Variants in BRWD1 observed in about 807,000 individuals in gnomAD.
BRWD1 encodes the protein bromodomain and WD repeat domain containing 1.
Under a neutral mutation model 251.2 loss-of-function variants are expected in BRWD1, and 82 were observed. The observed-to-expected ratio is 0.33, with a 90% CI of 0.27 to 0.39. BRWD1 has a LOEUF of 0.39. BRWD1 is among the 10% of genes least tolerant of loss of function. The pLI is 1.00. For missense variants in BRWD1, 2,233 were observed against 2,711.6 expected (o/e 0.82, Z 3.92); for synonymous variants, 918 against 902.8 (o/e 1.02, Z -0.30).
Position 39,313,438 on chromosome 21 carries a change from C to T in BRWD1, c.49+5G>A. ...GGGCGGGGGTGGCACGGCCTCGCGT[C>T]TTACCCGACTCGATGAGAGGCACCG... On this transcript the variant is annotated splice_donor_5th_base_variant and intron_variant, in intron 1 of 40. Coordinates refer to ENST00000342449, the MANE Select transcript of BRWD1 (RefSeq NM_033656.4). The T allele has an allele frequency of 2.9e-6, 4 of 1,389,696 alleles. No individual in the cohort carries two copies. The highest frequency in any genetic ancestry group is 1.6e-5 in the South Asian group (1 of 62,610). The allele number at this position is 1,389,696 out of a possible 1,614,324, so 86.1% of individuals were successfully genotyped here.
At chr21:39,269,711 G>C (rs565246407) in intron 15 of BRWD1, among the ~76,000 whole-genome samples, 188 bp downstream of exon 15, 3 of 152,050 alleles carry the variant, frequency 2.0e-5, no homozygotes, top group Admixed American at 6.5e-5. Flanking sequence ...ATATAAATCA[G>C]TCATACAGAG....
Position 39,247,760 on chromosome 21 carries a change from T to C in BRWD1, c.2422A>G (p.Arg808Gly). The C allele has an allele frequency of 6.2e-7, 1 of 1,613,780 alleles. No individual in the cohort carries two copies. The highest frequency in any genetic ancestry group is 8.5e-7 in the Non-Finnish European group (1 of 1,179,870). Residue 808 changes from arginine to glycine, a missense_variant, in exon 21 of 41, where the codon AGA (arginine) becomes GGA (glycine). Arg to Gly is a moderately radical substitution (Grantham distance 125). Transcript: ENST00000342449. The stretch of plus-strand genomic sequence containing the variant: ...GATAACTCACGCCAGCTACGATTTC[T>C]TCTACCATAATTTGGATATTTACGC... Reference protein sequence around the residue: ...CRRKYPNYGRRNRSWRELSSG... With the variant: ...CRRKYPNYGRGNRSWRELSSG...
In BRWD1 at chr21:39,238,585, A is replaced by AGG. The variant is rs149041539; in HGVS notation, c.2482-14_2482-13dup. 1 of 1,596,030 alleles carries AGG rather than the reference A, an allele frequency of 6.3e-7. No individual in the cohort carries two copies. The highest frequency in any genetic ancestry group is 1.3e-5 in the African/African-American group (1 of 74,572). On this transcript the variant is annotated splice_polypyrimidine_tract_variant and intron_variant, in intron 21 of 40. Transcript: ENST00000342449. ...TCACAGGAAGTCTCCTAATTTGTGA[A>AGG]GGGGGGAAAAAAATCTTGATCCCTG...
chr21:39,189,835 T>C lies in BRWD1; in HGVS notation c.*6424A>G, dbSNP rs141357540. 3.6e-4 allele frequency: 359 copies of C among 985,362 alleles called. 1 individual carries two copies. In the African/African-American group the frequency reaches 5.6e-3, roughly 15 times the overall value. The allele number at this position is 985,362 out of a possible 1,614,324, so 61.0% of individuals were successfully genotyped here. On this transcript the variant is annotated 3_prime_UTR_variant, in exon 41 of 41. Coordinates refer to ENST00000342449, the MANE Select transcript of BRWD1 (RefSeq NM_033656.4). ...CAAATTTGTGTGTTAGGGTACAAGC[T>C]TAAGAACTCTGGATGTTGCTGCTCT...
Position 39,313,253 on chromosome 21 carries a change from C to T in BRWD1, c.96G>A (p.Arg32=), listed in dbSNP as rs781312666. The change falls in exon 2 of 41, where the codon CGG becomes CGA. Residue 32 remains arginine (R), a synonymous_variant. Coordinates refer to ENST00000342449, the MANE Select transcript of BRWD1 (RefSeq NM_033656.4). ...GGCCCGCACTCACCTGGGCCGCTCT[C>T]CGACACGGGCCCGCCGATAGGTACC... The part of the protein sequence containing the change: ...IARYLSAGPC[R]RAAQVLVQEL... 2 of 1,549,196 alleles carry T rather than the reference C, an allele frequency of 1.3e-6. No homozygotes were observed. Among genetic ancestry groups the T allele is most frequent in the Non-Finnish European group, 1.7e-6 (2 of 1,143,882 alleles).
chr21:39,201,755 T>C (rs1284872559), intron 38 of BRWD1, among the ~76,000 whole-genome samples: 1 of 152,198 alleles, frequency 6.6e-6, no homozygotes, highest in African/African-American at 2.4e-5. Context: ...CAAACTTTTA[T>C]CTGTATGTAT....
At chr21:39,231,160 T>C (rs1015639934) in intron 25 of BRWD1, among the ~76,000 whole-genome samples, 10 of 152,172 alleles carry the variant, frequency 6.6e-5, no homozygotes, top group Non-Finnish European at 1.5e-4. Context: ...TCTAAGTTTT[T>C]AAAAGTATCA....
At chr21:39,301,005 T>C (rs954315596) in intron 4 of BRWD1, among the ~76,000 whole-genome samples, 58 of 152,086 alleles carry the variant, frequency 3.8e-4, no homozygotes, top group African/African-American at 1.4e-3. Context: ...GGTAAAACCC[T>C]GTCTCTACTA....
In BRWD1 at chr21:39,199,569, T is replaced by C. The variant is rs2032002945; in HGVS notation, c.4847A>G (p.Glu1616Gly). 4 of 1,614,058 alleles carry C rather than the reference T, an allele frequency of 2.5e-6. No individual in the cohort carries two copies. Among genetic ancestry groups the C allele is most frequent in the African/African-American group, 1.3e-5 (1 of 74,920 alleles). ...DSDNNSLETGEILKARAGNNR... is the reference protein window; with the variant it reads ...DSDNNSLETGGILKARAGNNR... ...ATTTCCAGCTCTGGCTTTTAGAATT[T>C]CACCAGTCTCCAATGAATTGTTATC... is the stretch of plus-strand genomic sequence containing the variant. Residue 1616 changes from glutamate (E) to glycine (G), a missense_variant, in exon 40 of 41, where the codon GAA becomes GGA. Around this residue, in one of 12 missense-constraint regions of BRWD1, gnomAD observed 928 missense variants for 970.0 expected, o/e 0.96. Coordinates refer to ENST00000342449, the MANE Select transcript of BRWD1 (RefSeq NM_033656.4).
chr21:39,207,487 C>CACACA (rs1453453078), intron 36 of BRWD1, among the ~76,000 whole-genome samples: 41 of 146,492 alleles, frequency 2.8e-4, no homozygotes, highest in African/African-American at 9.3e-4. Flanking sequence ...CACACACAAA[C>CACACA]AAAACTCCAA....
chr21:39,231,862 T>C (rs765497296), intron 25 of BRWD1, among the ~76,000 whole-genome samples: 18 of 152,216 alleles, frequency 1.2e-4, no homozygotes, highest in Non-Finnish European at 1.9e-4. Context: ...AAAACTTGCA[T>C]TTCTTCCTCT....
Position 39,195,453 on chromosome 21 carries a change from T to C in BRWD1, c.*806A>G. 1 of 985,746 alleles carries C rather than the reference T, an allele frequency of 1.0e-6. No homozygotes were observed. Among genetic ancestry groups the C allele is most frequent in the Non-Finnish European group, 1.2e-6 (1 of 829,870 alleles). The allele number at this position is 985,746 out of a possible 1,614,324, so 61.1% of individuals were successfully genotyped here. ...AAGATTTTGGTTAAATCCCTTACAA[T>C]GGAAACCAGGAGATCTTGGACAGAA... is the stretch of plus-strand genomic sequence containing the variant. On this transcript the variant is annotated 3_prime_UTR_variant, in exon 41 of 41. Coordinates refer to ENST00000342449, the MANE Select transcript of BRWD1 (RefSeq NM_033656.4).
At chr21:39,304,851 T>C (rs1030856646) in intron 4 of BRWD1, among the ~76,000 whole-genome samples, 3 of 151,930 alleles carry the variant, frequency 2.0e-5, no homozygotes, top group African/African-American at 2.4e-5. Context: ...TTTTCTAATA[T>C]TTAAGGTCAA....
Position 39,293,859 on chromosome 21 carries a change from G to C in BRWD1, c.783C>G (p.Ala261=). 1 of 1,614,100 alleles carries C rather than the reference G, an allele frequency of 6.2e-7. No individual in the cohort carries two copies. Among genetic ancestry groups the C allele is most frequent in the Non-Finnish European group, 8.5e-7 (1 of 1,180,018 alleles). The change falls in exon 8 of 41, where the codon GCC becomes GCG. Residue 261 remains alanine, a synonymous_variant. Coordinates refer to ENST00000342449, the MANE Select transcript of BRWD1 (RefSeq NM_033656.4). The part of the protein sequence containing the change: ...IIRVWCLRTC[A]PVAVLQGHTG... Reference sequence around the variant, plus strand: ...TGTGTCCTTGGAGCACAGCAACTGGGGCACAAGTTCTCAAGCACCACACTC... The same window carrying C: ...TGTGTCCTTGGAGCACAGCAACTGGCGCACAAGTTCTCAAGCACCACACTC...
At chr21:39,312,748 G>T in intron 4 of BRWD1, 93 bp downstream of exon 4, 1 of 1,001,708 alleles carries the variant, frequency 1.0e-6, no homozygotes, top group Non-Finnish European at 1.5e-6. Context: ...GTCACACTTT[G>T]CACCCCACGG....
In BRWD1 at chr21:39,190,668, C is replaced by A; in HGVS notation, c.*5591G>T. On this transcript the variant is annotated 3_prime_UTR_variant, in exon 41 of 41. Transcript: ENST00000342449. ...CATTTATCAATGATCTTCATCCCTC[C>A]CAAAGCAGAAGTTTCCAAAAACATC... is the stretch of plus-strand genomic sequence containing the variant. The A allele has an allele frequency of 1.0e-6, 1 of 985,354 alleles. No homozygotes were observed. The highest frequency in any genetic ancestry group is 1.2e-6 in the Non-Finnish European group (1 of 829,900). The allele number at this position is 985,354 out of a possible 1,614,324, so 61.0% of individuals were successfully genotyped here. A position where few individuals can be genotyped will look rare whatever the true frequency, so the allele number is the denominator to read the frequency against.
At chr21:39,294,453 C>A (rs1185370269) in intron 7 of BRWD1, among the ~76,000 whole-genome samples, 1 of 151,250 alleles carries the variant, frequency 6.6e-6, no homozygotes. Flanking sequence ...GTCAGGAGAT[C>A]GAGACCATCC....
intron 15 of BRWD1, among the ~76,000 whole-genome samples, chr21:39,268,972 A>G (rs1223517240): frequency 1.3e-5 from 2 of 152,168 alleles, no homozygotes; most frequent in African/African-American, 4.8e-5. Flanking sequence ...TGGGCGACAG[A>G]GCGAGACTCT....
At position 39,197,345 on chromosome 21, in the gene BRWD1, GTCT is replaced by G; in HGVS notation, c.5721_5723del (p.Asp1908del). The G allele has an allele frequency of 6.2e-7, 1 of 1,613,808 alleles. No homozygotes were observed. Among genetic ancestry groups the G allele is most frequent in the Non-Finnish European group, 8.5e-7 (1 of 1,179,878 alleles). On this transcript the variant is annotated inframe_deletion, in exon 41 of 41. Transcript: ENST00000342449. ...ATTTCTTAACCACCTGTAAACTACT[GTCT>G]GAGTCACTGGAACAGACCCTTTTCC...
Sources: gnomAD v4.1 joint callset for allele counts (sites outside exome capture counted in the v4.1 genomes callset) on GRCh38, gnomAD v4.1.1 for gene constraint, gnomAD v4.1.1 regional missense constraint, MANE v1.5 for transcripts, NCBI Gene and HGNC (gene_info 2026-07-23, HGNC 2026-07-21) for gene names.